AGAP1: variants seen among roughly 807,000 people sequenced by gnomAD.
AGAP1 encodes ArfGAP with GTPase domain, ankyrin repeat and PH domain 1.
In AGAP1, 29 loss-of-function variants were observed where a neutral mutation model predicts 105.3. The observed-to-expected ratio is 0.28, with a 90% confidence interval of 0.21 to 0.38. The LOEUF (loss-of-function observed/expected upper bound fraction) is 0.38, where lower values mean the gene tolerates loss of function less well. AGAP1 is among the 10% of genes least tolerant of loss of function. AGAP1 has a pLI of 1.00. For missense variants in AGAP1, 998 were observed against 1,165.1 expected, an observed-to-expected ratio of 0.86 and a Z score of 2.09; for synonymous variants, 509 against 485.9, an observed-to-expected ratio of 1.05 and a Z score of -0.63.
At chr2:235,536,142 TACACACACACAC>T (rs58090095) in intron 1 of AGAP1, among the ~76,000 whole-genome samples, 2 of 16,408 alleles carry the variant, frequency 1.2e-4, no homozygotes, top group African/African-American at 9.6e-4. Flanking sequence ...TGTGGCATCC[TACACACACACAC>T]ACACACACAC....
Position 236,087,326 on chromosome 2 carries a change from G to A in AGAP1, c.2115-32866G>A, listed in dbSNP as rs374974835. Among the ~76,000 whole-genome samples the A allele has an allele frequency of 4.6e-5, 7 of 152,118 alleles. No homozygotes were observed. The highest frequency in any genetic ancestry group is 1.2e-4 in the African/African-American group (5 of 41,412). ...CAGAGCCCGGGGTGGGGGCGGGAGC[G>A]GGGGCTAGCTGTGGGTGTTCATTGA... On this transcript the variant is annotated intron_variant, in intron 16 of 17. Transcript: ENST00000304032. The surrounding 1 kb of genome is among the most constrained non-coding windows in gnomAD (Gnocchi z 5.7).
intron 1 of AGAP1, among the ~76,000 whole-genome samples, chr2:235,598,598 A>G (rs1000222572): frequency 1.3e-5 from 2 of 152,220 alleles, no homozygotes; most frequent in Admixed American, 6.5e-5. Flanking sequence ...TCTTTTACTC[A>G]TCATCCTGGG....
Position 235,989,270 on chromosome 2 carries a change from G to T in AGAP1, c.1645+20647G>T, listed in dbSNP as rs575903474. On this transcript the variant is annotated intron_variant, in intron 13 of 17. Coordinates refer to ENST00000304032, the MANE Select transcript of AGAP1 (RefSeq NM_001037131.3). This position sits in a 1 kb window ranked among gnomAD's most constrained non-coding sequence, Gnocchi z 4.4. ...ATTGACCAGGTACTGTGTAGAGGTC[G>T]CTGCTGCGTGTGGCTTCACCCAGCT... Among the ~76,000 whole-genome samples the T allele has an allele frequency of 1.3e-5, 2 of 152,170 alleles. No homozygotes were observed. Among genetic ancestry groups the T allele is most frequent in the Non-Finnish European group, 2.9e-5 (2 of 68,040 alleles).
intron 1 of AGAP1, among the ~76,000 whole-genome samples, chr2:235,602,101 A>G (rs545382244): frequency 6.6e-6 from 1 of 152,314 alleles, no homozygotes; most frequent in East Asian, 1.9e-4. Flanking sequence ...AACTGCTGCC[A>G]CCTGCTTCTG....
Position 236,124,113 on chromosome 2 carries a change from C to T in AGAP1, c.2565C>T (p.Thr855=), listed in dbSNP as rs2059965608. Residue 855 remains threonine, a synonymous_variant, in exon 18 of 18, where the codon ACC becomes ACT. Coordinates refer to ENST00000304032, the MANE Select transcript of AGAP1 (RefSeq NM_001037131.3). The surrounding 1 kb of genome is among the most constrained non-coding windows in gnomAD (Gnocchi z 5.1). ...NRNNSSGRVP[T]II Reference sequence around the variant, plus strand: ...ACAACAGCAGTGGGAGGGTGCCCACCATCATCTGAGGAACAGCCGTGCCCG... The same window carrying T: ...ACAACAGCAGTGGGAGGGTGCCCACTATCATCTGAGGAACAGCCGTGCCCG... 1.2e-6 allele frequency: 2 copies of T among 1,613,938 alleles called. No homozygotes were observed. Among genetic ancestry groups the T allele is most frequent in the Non-Finnish European group, 1.7e-6 (2 of 1,179,928 alleles).
chr2:236,059,909 G>T (rs1432011574), intron 16 of AGAP1, among the ~76,000 whole-genome samples: 1 of 152,078 alleles, frequency 6.6e-6, no homozygotes, highest in African/African-American at 2.4e-5. Flanking sequence ...TGGCCAACAT[G>T]GTGAAACCCC....
At position 235,609,891 on chromosome 2, in the gene AGAP1, G is replaced by C. The variant is rs992870104; in HGVS notation, c.164-99288G>C. On this transcript the variant is annotated intron_variant, in intron 1 of 17. Transcript: ENST00000304032. This position sits in a 1 kb window ranked among gnomAD's most constrained non-coding sequence, Gnocchi z 5.1. Reference sequence around the variant, plus strand: ...TTGGTAAATGGAGTCTTGCTCGCCAGGTGCATGAGGTGAAGTCACTGGGCT... The same window carrying C: ...TTGGTAAATGGAGTCTTGCTCGCCACGTGCATGAGGTGAAGTCACTGGGCT... Among the ~76,000 whole-genome samples the C allele has an allele frequency of 6.6e-6, 1 of 152,106 alleles. No individual in the cohort carries two copies. The highest frequency in any genetic ancestry group is 1.5e-5 in the Non-Finnish European group (1 of 68,020).
chr2:236,102,612 A>G (rs1486977249), intron 16 of AGAP1, among the ~76,000 whole-genome samples: 1 of 151,714 alleles, frequency 6.6e-6, no homozygotes, highest in Non-Finnish European at 1.5e-5. Context: ...GAAAGAAAGA[A>G]AGAAAACTTC....
chr2:235,514,958 G>A (rs1235627221), intron 1 of AGAP1, among the ~76,000 whole-genome samples: 1 of 152,186 alleles, frequency 6.6e-6, no homozygotes, highest in Non-Finnish European at 1.5e-5. Flanking sequence ...CAGTTGGGGA[G>A]CTTGTATACT....
rs190901476 is a variant in AGAP1, at chr2:235,583,741, G to T, written c.163+88892G>T. On this transcript the variant is annotated intron_variant, in intron 1 of 17. Coordinates refer to ENST00000304032, the MANE Select transcript of AGAP1 (RefSeq NM_001037131.3). ...AAAATACAAAAACTAGCTGGGTGTG[G>T]TGGTGTGCGCCTGTAGTCCCAGCTA... 9.9e-5 allele frequency among the ~76,000 whole-genome samples: 15 copies of T among 151,870 alleles called. No homozygotes were observed. The East Asian group carries it at 1.8e-3, about 18-fold the overall frequency.
At chr2:235,811,265 C>G (rs1958125226) in intron 9 of AGAP1, among the ~76,000 whole-genome samples, 1 of 152,256 alleles carries the variant, frequency 6.6e-6, no homozygotes, top group African/African-American at 2.4e-5. Context: ...TGTCCATCCC[C>G]TCCTGCCTCT....
At chr2:236,077,291 A>G (rs1215867058) in intron 16 of AGAP1, among the ~76,000 whole-genome samples, 2 of 150,674 alleles carry the variant, frequency 1.3e-5, no homozygotes, top group Admixed American at 6.6e-5. Context: ...AAACTATATC[A>G]TGAACATCTT....
chr2:235,942,207 G>A (rs943663743), intron 12 of AGAP1, among the ~76,000 whole-genome samples: 1 of 152,160 alleles, frequency 6.6e-6, no homozygotes, highest in Non-Finnish European at 1.5e-5. Flanking sequence ...CGTTAATCGA[G>A]AGCAGAGTGG....
intron 1 of AGAP1, among the ~76,000 whole-genome samples, chr2:235,512,095 G>GTGTGAGTA (rs142270784): frequency 0.68 from 97,921 of 143,510 alleles, 31,809 homozygotes; most frequent in East Asian, 0.74. Flanking sequence ...GTGAATGTGT[G>GTGTGAGTA]TGTGTGTGAA....
rs575506894 is a variant in AGAP1 at position 236,021,238 on chromosome 2, T to C, written c.1646-15323T>C. Among the ~76,000 whole-genome samples the C allele has an allele frequency of 7.9e-5, 12 of 151,836 alleles. No individual in the cohort carries two copies. In the South Asian group the frequency reaches 2.3e-3, roughly 29 times the overall value. ...ACCCTTGCATGGGGAATAACTAGAA[T>C]TGACGTTTTGGGAAGAGAAGATTGC... On this transcript the variant is annotated intron_variant, in intron 13 of 17. Coordinates refer to ENST00000304032, the MANE Select transcript of AGAP1 (RefSeq NM_001037131.3).
At chr2:235,592,835 C>A (rs992871101) in intron 1 of AGAP1, among the ~76,000 whole-genome samples, 1 of 152,078 alleles carries the variant, frequency 6.6e-6, no homozygotes, top group Non-Finnish European at 1.5e-5. Context: ...GAAGAGAGCA[C>A]CCCTTGGGAA....
At chr2:236,094,432 A>G (rs777010955) in intron 16 of AGAP1, among the ~76,000 whole-genome samples, 8 of 151,220 alleles carry the variant, frequency 5.3e-5, no homozygotes, top group South Asian at 4.2e-4. Context: ...GCCCACTGCA[A>G]CCTCCACCTC....
intron 1 of AGAP1, among the ~76,000 whole-genome samples, chr2:235,697,970 A>G (rs926542474): frequency 6.6e-6 from 1 of 152,196 alleles, no homozygotes; most frequent in African/African-American, 2.4e-5. Flanking sequence ...AGTCGAAATT[A>G]TCTTTTAATA....
At chr2:236,118,914 CCAT>C (rs2059836914) in intron 16 of AGAP1, among the ~76,000 whole-genome samples, 3 of 152,168 alleles carry the variant, frequency 2.0e-5, no homozygotes, top group South Asian at 2.1e-4. Context: ...AAACCAGAAA[CCAT>C]CATCAGTAGC....
Sources: gnomAD v4.1 joint callset for allele counts (sites outside exome capture counted in the v4.1 genomes callset) on GRCh38, gnomAD v4.1.1 for gene constraint, Gnocchi (gnomAD v3.1) non-coding constraint, MANE v1.5 for transcripts, NCBI Gene and HGNC (gene_info 2026-07-23, HGNC 2026-07-21) for gene names.